Variants in HPS4 observed in about 807,000 individuals in gnomAD.
HPS4 encodes the protein BLOC-3 complex member HPS4.
A neutral mutation model predicts 70.3 loss-of-function variants in HPS4; 44 were observed. The observed-to-expected ratio is 0.63, with a 90% CI of 0.49 to 0.80. The LOEUF (loss-of-function observed/expected upper bound fraction) is 0.80. Ranked by LOEUF, HPS4 falls within the 30% of genes least tolerant of loss-of-function variation. HPS4 has a pLI of 0.00. For synonymous variants in HPS4, 377 were observed against 355.9 expected, an observed-to-expected ratio of 1.06 and a Z score of -0.67; for missense variants, 873 against 884.4, an observed-to-expected ratio of 0.99 and a Z score of 0.16.
downstream of HPS4, among the ~76,000 whole-genome samples, chr22:26,447,709 T>G (rs997033416): frequency 1.3e-5 from 2 of 152,136 alleles, no homozygotes; most frequent in Non-Finnish European, 2.9e-5. Flanking sequence ...TAAGGCCACA[T>G]ATTTTAGAAC....
downstream of HPS4, among the ~76,000 whole-genome samples, chr22:26,450,049 G>A (rs2085092147): frequency 6.6e-6 from 1 of 152,128 alleles, no homozygotes; most frequent in East Asian, 1.9e-4. Context: ...TTCTCCACGT[G>A]AGTAACCTCC....
intron 12 of HPS4, among the ~76,000 whole-genome samples, chr22:26,458,192 T>A (rs920729165): frequency 6.6e-6 from 1 of 151,354 alleles, no homozygotes; most frequent in South Asian, 2.1e-4. Context: ...ACAAACCCTA[T>A]CACAGATATG....
Position 26,458,455 on chromosome 22 carries a change from G to C in HPS4, c.1836C>G (p.Ser612Arg), listed in dbSNP as rs758138934. 5 of 1,614,028 alleles carry C rather than the reference G, an allele frequency of 3.1e-6. No homozygotes were observed. In the Admixed American group the frequency reaches 8.3e-5, roughly 27 times the overall value. ...YNFTHYDRIQ[S>R]LLMANLPQVA... ...TTGGCTGGTTCTTACCCATCAGCAA[G>C]CTCTGAATGCGGTCGTAATGTGTGA... Residue 612 changes from serine (S) to arginine (R), a missense_variant, in exon 12 of 14, where the codon AGC becomes AGG. Coordinates refer to ENST00000398145, the MANE Select transcript of HPS4 (RefSeq NM_022081.6).
chr22:26,465,541 C>CAA lies in HPS4; in HGVS notation c.715_716dup (p.Leu239PhefsTer13). The CAA allele has an allele frequency of 6.2e-7, 1 of 1,613,886 alleles. No homozygotes were observed. Among genetic ancestry groups the CAA allele is most frequent in the African/African-American group, 1.3e-5 (1 of 75,042 alleles). On this transcript the variant is annotated frameshift_variant, in exon 10 of 14. Coordinates refer to ENST00000398145, the MANE Select transcript of HPS4 (RefSeq NM_022081.6). LOFTEE classifies it high-confidence loss of function. ...CAGGGATAATCTGGACATTCGGGGGCAATGCCGCTCCTGGAATTGCAAAGC... is the reference window on the plus strand; with the variant it reads ...CAGGGATAATCTGGACATTCGGGGGCAAAATGCCGCTCCTGGAATTGCAAAGC...
At position 26,452,411 on chromosome 22, in the gene HPS4, A is replaced by G; in HGVS notation, c.*822T>C. 2.2e-6 allele frequency: 1 copy of G among 454,456 alleles called. No individual in the cohort carries two copies. The highest frequency in any genetic ancestry group is 1.6e-5 in the South Asian group (1 of 64,028). The allele number at this position is 454,456 out of a possible 1,614,324, so 28.2% of individuals were successfully genotyped here. A position where few individuals can be genotyped will look rare whatever the true frequency, so the allele number is the denominator to read the frequency against. On this transcript the variant is annotated 3_prime_UTR_variant, in exon 14 of 14. Coordinates refer to ENST00000398145, the MANE Select transcript of HPS4 (RefSeq NM_022081.6). ...TTTCACGCAGCCACCACTGAAAAGC[A>G]CAGTGCTTTTACCCCCAGACATCTT...
chr22:26,452,915 G>A lies in HPS4; in HGVS notation c.*318C>T, dbSNP rs1378802893. 1.1e-5 allele frequency: 4 copies of A among 351,528 alleles called. No homozygotes were observed. The East Asian group carries it at 2.7e-4, about 24-fold the overall frequency. 21.8% of individuals were successfully genotyped at this position (351,528 alleles called of 1,614,324 possible). A position where few individuals can be genotyped will look rare whatever the true frequency, so the allele number is the denominator to read the frequency against. On this transcript the variant is annotated 3_prime_UTR_variant, in exon 14 of 14. Coordinates refer to ENST00000398145, the MANE Select transcript of HPS4 (RefSeq NM_022081.6). ...TTGGAAGCTTGTGGCACCAATTCAA[G>A]CTGGGATGGAACAGCAGGAGATATG... is the stretch of plus-strand genomic sequence containing the variant.
At chr22:26,465,752 A>G in intron 9 of HPS4, 1 of 604,248 alleles carries the variant, frequency 1.7e-6, no homozygotes, top group African/African-American at 1.9e-5. Context: ...CCTGCAGGCA[A>G]CATGACTCCC....
rs2091041283 is a variant in HPS4, at chr22:26,479,521, C to T, written c.42-166G>A. 23 of 1,437,164 alleles carry T rather than the reference C, an allele frequency of 1.6e-5. No homozygotes were observed. In the South Asian group the frequency reaches 2.3e-4, roughly 14 times the overall value. The allele number at this position is 1,437,164 out of a possible 1,614,324, so 89.0% of individuals were successfully genotyped here. A position where few individuals can be genotyped will look rare whatever the true frequency, so the allele number is the denominator to read the frequency against. Reference sequence around the variant, plus strand: ...CCCAGTAGCTACAAATTAGATAAAACCATTCTGTAAGCGCAGGAAATTCAA... The same window carrying T: ...CCCAGTAGCTACAAATTAGATAAAATCATTCTGTAAGCGCAGGAAATTCAA... On this transcript the variant is annotated intron_variant, in intron 2 of 13. Transcript: ENST00000398145.
chr22:26,471,364 T>C (rs2089780011), intron 6 of HPS4: 2 of 456,060 alleles, frequency 4.4e-6, no homozygotes, highest in African/African-American at 2.0e-5. Context: ...ACATTCCTTG[T>C]ATGGAGTCAG....
In HPS4 at chr22:26,451,443, G is replaced by A. The variant is rs147511078; in HGVS notation, c.*1790C>T. Reference sequence around the variant, plus strand: ...GAACCTCCACTGCAGAAACTAAGCAGGATCAAAGGAGGAAAGAAAGGGGCA... The same window carrying A: ...GAACCTCCACTGCAGAAACTAAGCAAGATCAAAGGAGGAAAGAAAGGGGCA... On this transcript the variant is annotated 3_prime_UTR_variant, in exon 14 of 14. Coordinates refer to ENST00000398145, the MANE Select transcript of HPS4 (RefSeq NM_022081.6). 6.6e-6 allele frequency: 1 copy of A among 152,334 alleles called. No individual in the cohort carries two copies. The highest frequency in any genetic ancestry group is 1.9e-4 in the East Asian group (1 of 5,186). 9.4% of individuals were successfully genotyped at this position (152,334 alleles called of 1,614,324 possible).
intron 11 of HPS4, among the ~76,000 whole-genome samples, chr22:26,460,983 T>C (rs2146447348): frequency 6.6e-6 from 1 of 152,356 alleles, no homozygotes; most frequent in East Asian, 1.9e-4. Context: ...GCTGAAAATA[T>C]TTGCTTTCTG....
chr22:26,448,122 A>G (rs1445025289), downstream of HPS4, among the ~76,000 whole-genome samples: 1 of 152,184 alleles, frequency 6.6e-6, no homozygotes, highest in Non-Finnish European at 1.5e-5. Context: ...AAGTCTGGAC[A>G]CACATCCAGG....
intron 11 of HPS4, among the ~76,000 whole-genome samples, chr22:26,463,609 CA>C (rs2087774786): frequency 6.6e-6 from 1 of 152,224 alleles, no homozygotes; most frequent in Non-Finnish European, 1.5e-5. Flanking sequence ...GCCAGGATTC[CA>C]TCTCAGGCCT....
downstream of HPS4, among the ~76,000 whole-genome samples, chr22:26,450,734 T>C (rs2085123057): frequency 6.6e-6 from 1 of 152,220 alleles, no homozygotes; most frequent in Non-Finnish European, 1.5e-5. Flanking sequence ...GATCTGATGG[T>C]TGTATAAGGG....
In HPS4 at chr22:26,472,876, CAACT is replaced by C. The variant is rs2090031841; in HGVS notation, c.336_339del (p.Val113AspfsTer12). The C allele has an allele frequency of 6.2e-7, 1 of 1,614,056 alleles. No individual in the cohort carries two copies. Among genetic ancestry groups the C allele is most frequent in the Non-Finnish European group, 8.5e-7 (1 of 1,180,042 alleles). On this transcript the variant is annotated frameshift_variant, in exon 5 of 14. Transcript: ENST00000398145. LOFTEE classifies it high-confidence loss of function. ...GGTCCATTGTAAAAATTAAAGAATC[CAACT>C]AGCTGATCCAGAAACCGCTTGCAGC...
chr22:26,477,124 G>T lies in HPS4; in HGVS notation c.145C>A (p.Gln49Lys). The change falls in exon 4 of 14, where the codon CAA (glutamine) becomes AAA (lysine). Residue 49 changes from glutamine (Q) to lysine (K), a missense_variant. By Grantham distance (53) the Gln-to-Lys change is moderately conservative (BLOSUM62 1). Transcript: ENST00000398145. ...YFYPSQTLLD[Q>K]QELLCGQIAG... ...ATCTGTCCACAAAGCAACTCCTGTTGGTCTAGCAGGGTCTGTGGGAAAGGA... is the reference window on the plus strand; with the variant it reads ...ATCTGTCCACAAAGCAACTCCTGTTTGTCTAGCAGGGTCTGTGGGAAAGGA... The T allele has an allele frequency of 6.2e-7, 1 of 1,614,134 alleles. No individual in the cohort carries two copies. The highest frequency in any genetic ancestry group is 8.5e-7 in the Non-Finnish European group (1 of 1,180,014).
At chr22:26,471,245 C>G (rs756620904) in intron 6 of HPS4, 1 of 412,768 alleles carries the variant, frequency 2.4e-6, no homozygotes, top group Non-Finnish European at 4.8e-6. Context: ...AAGCACAATC[C>G]CCATGGTGAT....
At chr22:26,465,266 C>T (rs563582150) in intron 10 of HPS4, among the ~76,000 whole-genome samples, 189 bp downstream of exon 10, 1 of 152,312 alleles carries the variant, frequency 6.6e-6, no homozygotes, top group East Asian at 1.9e-4. Flanking sequence ...GATATGAAAG[C>T]CAATGTCATC....
In HPS4 at chr22:26,451,739, G is replaced by A. The variant is rs1963940042; in HGVS notation, c.*1494C>T. ...CAATTTTTTCTGGGAGAACATAGCA[G>A]AGGAGTAAGACAACATTTATCCTAG... On this transcript the variant is annotated 3_prime_UTR_variant, in exon 14 of 14. Transcript: ENST00000398145. 6.6e-6 allele frequency: 1 copy of A among 152,354 alleles called. No individual in the cohort carries two copies. The highest frequency in any genetic ancestry group is 1.5e-5 in the Non-Finnish European group (1 of 68,188). The allele number at this position is 152,354 out of a possible 1,614,324, so 9.4% of individuals were successfully genotyped here.
Sources: gnomAD v4.1 joint callset for allele counts (sites outside exome capture counted in the v4.1 genomes callset) on GRCh38, gnomAD v4.1.1 for gene constraint, MANE v1.5 for transcripts, NCBI Gene and HGNC (gene_info 2026-07-23, HGNC 2026-07-21) for gene names.